Variants in CDKL3 observed in about 807,000 individuals in gnomAD.
CDKL3 encodes the protein cyclin-dependent kinase-like 3.
CDKL3 carries 65 observed loss-of-function variants against 69.3 expected under a neutral mutation model. The observed-to-expected ratio is 0.94, with a 90% CI of 0.77 to 1.15. The LOEUF is 1.15. Among genes scored for constraint, CDKL3 ranks in the 50% most tolerant of loss-of-function variants. CDKL3 has a pLI of 0.00. For missense variants in CDKL3, 652 were observed against 689.2 expected (o/e 0.95, Z 0.61); for synonymous variants, 202 against 221.6 (o/e 0.91, Z 0.79).
intron 4 of CDKL3, among the ~76,000 whole-genome samples, chr5:134,338,990 C>T (rs1436536877): frequency 6.6e-6 from 1 of 151,936 alleles, no homozygotes; most frequent in Non-Finnish European, 1.5e-5. Flanking sequence ...ACCATCTCTA[C>T]TAAAAATACA....
chr5:134,350,443 A>C lies in CDKL3; in HGVS notation c.361-16T>G, dbSNP rs529366100. ...GATGAATGATCTAAAAAACAAACAG[A>C]ATACAAAATACATTAAAATGAGATT... On this transcript the variant is annotated splice_polypyrimidine_tract_variant and intron_variant, in intron 3 of 12. Transcript: ENST00000265334. The C allele has an allele frequency of 2.1e-6, 3 of 1,435,404 alleles. No individual in the cohort carries two copies. Among genetic ancestry groups the C allele is most frequent in the East Asian group, 2.5e-5 (1 of 40,506 alleles). The allele number at this position is 1,435,404 out of a possible 1,614,324, so 88.9% of individuals were successfully genotyped here.
chr5:134,335,754 A>T (rs1353531993), intron 4 of CDKL3, among the ~76,000 whole-genome samples: 1 of 151,770 alleles, frequency 6.6e-6, no homozygotes, highest in African/African-American at 2.4e-5. Context: ...TGCCCTTAAC[A>T]TTTTTTCCTT....
chr5:134,335,658 C>T (rs982918360), intron 4 of CDKL3, among the ~76,000 whole-genome samples: 1 of 152,138 alleles, frequency 6.6e-6, no homozygotes, highest in Non-Finnish European at 1.5e-5. Flanking sequence ...CCCCCACTCT[C>T]TTCTGGCTTG....
At chr5:134,346,281 TC>T (rs1341685249) in intron 4 of CDKL3, among the ~76,000 whole-genome samples, 1 of 152,186 alleles carries the variant, frequency 6.6e-6, no homozygotes, top group African/African-American at 2.4e-5. Context: ...TAGATCATAC[TC>T]CTTTTGCCCA....
upstream of CDKL3, chr5:134,371,445 G>C (rs1758393669): frequency 3.1e-6 from 3 of 982,444 alleles, no homozygotes; most frequent in South Asian, 4.5e-5. Flanking sequence ...GGCGGAGGGA[G>C]ACGTCATTGC....
At chr5:134,344,745 G>A (rs1186415045) in intron 4 of CDKL3, among the ~76,000 whole-genome samples, 2 of 152,060 alleles carry the variant, frequency 1.3e-5, no homozygotes, top group African/African-American at 2.4e-5. Context: ...TCAAAATAGC[G>A]AGACCCTGTC....
intron 4 of CDKL3, among the ~76,000 whole-genome samples, chr5:134,339,821 C>A (rs1196492780): frequency 6.6e-6 from 1 of 151,948 alleles, no homozygotes; most frequent in Non-Finnish European, 1.5e-5. Flanking sequence ...ACGAAATAAC[C>A]AATGGGTACA....
downstream of CDKL3, among the ~76,000 whole-genome samples, chr5:134,296,094 TCA>T (rs1192288561): frequency 6.6e-6 from 1 of 152,068 alleles, no homozygotes; most frequent in Non-Finnish European, 1.5e-5. Context: ...AGACGGGGTT[TCA>T]CCATGTTAGC....
At chr5:134,328,089 T>C (rs1774860102) in intron 4 of CDKL3, among the ~76,000 whole-genome samples, 1 of 152,170 alleles carries the variant, frequency 6.6e-6, no homozygotes, top group Admixed American at 6.5e-5. Context: ...AATGTTCAAG[T>C]TCCAACAAAA....
chr5:134,361,878 G>A (rs758102555), intron 2 of CDKL3, among the ~76,000 whole-genome samples: 1 of 152,040 alleles, frequency 6.6e-6, no homozygotes, highest in Non-Finnish European at 1.5e-5. Flanking sequence ...CACTCCAGCC[G>A]GGGTGACAAG....
intron 3 of CDKL3, among the ~76,000 whole-genome samples, chr5:134,355,123 C>T (rs1754258104): frequency 1.3e-5 from 2 of 150,604 alleles, no homozygotes; most frequent in South Asian, 4.2e-4. Context: ...AGCCCAGCTA[C>T]TCAGGAGGCT....
chr5:134,364,720 C>A (rs1561658367), intron 2 of CDKL3, among the ~76,000 whole-genome samples: 1 of 151,982 alleles, frequency 6.6e-6, no homozygotes, highest in East Asian at 1.9e-4. Flanking sequence ...ACTACATTGG[C>A]CAGGCTGGTC....
chr5:134,307,862 C>CT, intron 9 of CDKL3: 1 of 345,414 alleles, frequency 2.9e-6, no homozygotes. Flanking sequence ...CTTTTTTTCT[C>CT]TTCAAAAATA....
rs1032297984 is a variant in CDKL3, at chr5:134,364,490, T to C, written c.165+1869A>G. On this transcript the variant is annotated intron_variant, in intron 2 of 12. Transcript: ENST00000265334. ...GAGACCTTTGACTCCTTCTATAGTC[T>C]TTCTATAGTCTTCTACACTCTTTCA... is the stretch of plus-strand genomic sequence containing the variant. Among the ~76,000 whole-genome samples the C allele has an allele frequency of 3.5e-4, 53 of 152,176 alleles. 1 individual carries two copies. The highest frequency in any genetic ancestry group is 1.2e-3 in the African/African-American group (48 of 41,558).
intron 8 of CDKL3, among the ~76,000 whole-genome samples, chr5:134,289,110 T>A (rs1241473241): frequency 6.9e-6 from 1 of 144,400 alleles, no homozygotes; most frequent in Non-Finnish European, 1.5e-5. Context: ...TGCAGTAAGT[T>A]ATGATCATGT....
At chr5:134,298,330 G>C, downstream of CDKL3, 8 of 1,055,136 alleles carry the variant, frequency 7.6e-6, no homozygotes, top group South Asian at 3.3e-4. Flanking sequence ...AAGTTATGTG[G>C]CTACAAGAAG....
chr5:134,316,560 G>A (rs1771143002), intron 6 of CDKL3, among the ~76,000 whole-genome samples: 3 of 150,876 alleles, frequency 2.0e-5, no homozygotes, highest in Non-Finnish European at 4.4e-5. Flanking sequence ...TCGTGCCACT[G>A]CACTGCAGCC....
At position 134,361,702 on chromosome 5, in the gene CDKL3, G is replaced by A. The variant is rs532894674; in HGVS notation, c.166-1611C>T. Among the ~76,000 whole-genome samples the A allele has an allele frequency of 4.7e-4, 72 of 151,768 alleles. 1 individual carries two copies. Among genetic ancestry groups the A allele is most frequent in the Admixed American group, 2.4e-3 (36 of 15,246 alleles). ...GCAAATCACATGAGGTCAGGAGTTCGAGACCAGCCTGGTCAACATGGTGAA... is the reference window on the plus strand; with the variant it reads ...GCAAATCACATGAGGTCAGGAGTTCAAGACCAGCCTGGTCAACATGGTGAA... On this transcript the variant is annotated intron_variant, in intron 2 of 12. Coordinates refer to ENST00000265334, the MANE Select transcript of CDKL3 (RefSeq NM_001113575.2).
chr5:134,368,618 C>CAAAAA (rs11339001), upstream of CDKL3, among the ~76,000 whole-genome samples: 79 of 69,718 alleles, frequency 1.1e-3, no homozygotes, highest in Middle Eastern at 9.6e-3. Flanking sequence ...GACTCCATCT[C>CAAAAA]AAAAAAAAAA....
Sources: allele counts gnomAD v4.1 joint callset (sites outside exome capture counted in the v4.1 genomes callset), GRCh38; gene constraint gnomAD v4.1.1; transcripts MANE v1.5; gene names NCBI Gene and HGNC (gene_info 2026-07-23, HGNC 2026-07-21).